ZC3H12B: variants seen among roughly 807,000 people sequenced by gnomAD.
The protein encoded by ZC3H12B is probable ribonuclease ZC3H12B.
ZC3H12B carries 7 observed loss-of-function variants against 43.9 expected under a neutral mutation model. The observed-to-expected ratio is 0.16, with a 90% confidence interval of 0.09 to 0.30. The LOEUF is 0.30. Ranked by LOEUF, ZC3H12B falls within the 10% of genes least tolerant of loss-of-function variation. The pLI is 1.00. For synonymous variants in ZC3H12B, 222 were observed against 241.7 expected, an observed-to-expected ratio of 0.92 and a Z score of 0.76; for missense variants, 475 against 670.2, an observed-to-expected ratio of 0.71 and a Z score of 3.22.
chrX:65,407,955 G>A (rs958854285), intron 3 of ZC3H12B: 46 of 814,942 alleles, frequency 5.6e-5, no homozygotes, highest in African/African-American at 8.2e-5. Context: ...GCGCGCCTGC[G>A]TGCGTGGCCA....
the ZC3H12B span, among the ~76,000 whole-genome samples, chrX:65,119,008 C>A: frequency 1.8e-5 from 2 of 110,812 alleles, no homozygotes; most frequent in Non-Finnish European, 3.8e-5. Flanking sequence ...CATAGTATTC[C>A]ATGGTGTATA....
At chrX:65,188,784 T>C in the ZC3H12B span, among the ~76,000 whole-genome samples, 1 of 91,698 alleles carries the variant, frequency 1.1e-5, no homozygotes, top group Non-Finnish European at 2.2e-5. Context: ...ATTTTTATAT[T>C]AGTTCTAAAG....
chrX:65,042,053 G>GA, the ZC3H12B span, among the ~76,000 whole-genome samples: 32 of 111,772 alleles, frequency 2.9e-4, no homozygotes, highest in African/African-American at 9.4e-4. Context: ...TTTAAGAAGG[G>GA]AAAAAAAGCT....
intron 3 of ZC3H12B, among the ~76,000 whole-genome samples, chrX:65,426,857 C>A (rs1233406717): frequency 9.0e-6 from 1 of 111,708 alleles, no homozygotes; most frequent in Non-Finnish European, 1.9e-5. Flanking sequence ...AGTTATTTTG[C>A]ATTTGCTAAG....
the ZC3H12B span, among the ~76,000 whole-genome samples, chrX:65,257,703 C>T: frequency 9.1e-6 from 1 of 109,684 alleles, no homozygotes; most frequent in African/African-American, 3.3e-5. Context: ...GGATGTTACC[C>T]CACAGAACTA....
the ZC3H12B span, among the ~76,000 whole-genome samples, chrX:65,146,716 T>A: frequency 1.8e-5 from 2 of 111,664 alleles, no homozygotes; most frequent in Non-Finnish European, 3.8e-5. Flanking sequence ...CAAGCTGTAG[T>A]GATTATTATC....
chrX:65,085,416 A>G, the ZC3H12B span, among the ~76,000 whole-genome samples: 11 of 111,406 alleles, frequency 9.9e-5, no homozygotes, highest in African/African-American at 3.6e-4. Flanking sequence ...AAAATTAAAA[A>G]TAAAAAAAAA....
chrX:65,202,103 T>C, the ZC3H12B span, among the ~76,000 whole-genome samples: 1,912 of 75,027 alleles, frequency 0.025, 196 homozygotes, highest in African/African-American at 0.11. Flanking sequence ...ATATATATTT[T>C]ATATAATATA....
intron 3 of ZC3H12B, among the ~76,000 whole-genome samples, chrX:65,457,581 G>A (rs1204840787): frequency 2.4e-5 from 2 of 82,288 alleles, no homozygotes; most frequent in South Asian, 4.6e-4. Flanking sequence ...GCGGCTCACT[G>A]GGGATGGGCC....
At chrX:65,368,534 C>G (rs1470198997) in intron 1 of ZC3H12B, among the ~76,000 whole-genome samples, 2 of 111,552 alleles carry the variant, frequency 1.8e-5, no homozygotes, top group Admixed American at 1.9e-4. Flanking sequence ...CAAAATTATA[C>G]ATGTAACTCA....
At chrX:65,378,589 G>T (rs183679243) in intron 2 of ZC3H12B, among the ~76,000 whole-genome samples, 1 of 112,204 alleles carries the variant, frequency 8.9e-6, no homozygotes, top group East Asian at 2.8e-4. Context: ...TCACAAAATG[G>T]CAGGAGTGGG....
chrX:65,302,396 A>G, the ZC3H12B span, among the ~76,000 whole-genome samples: 6 of 111,719 alleles, frequency 5.4e-5, no homozygotes, highest in Admixed American at 5.7e-4. Flanking sequence ...TGAAACTAAA[A>G]ACACAATTCC....
the ZC3H12B span, among the ~76,000 whole-genome samples, chrX:65,076,720 A>AT: frequency 1.1e-4 from 12 of 107,445 alleles, no homozygotes; most frequent in East Asian, 3.6e-3. Flanking sequence ...TGGCTGTTGT[A>AT]TTTTTTTAAT....
At chrX:65,236,638 A>G in the ZC3H12B span, among the ~76,000 whole-genome samples, 1 of 111,745 alleles carries the variant, frequency 8.9e-6, no homozygotes. Context: ...TATTTCCTGA[A>G]TGGTATTTCC....
At chrX:65,264,430 T>G in the ZC3H12B span, among the ~76,000 whole-genome samples, 3 of 112,392 alleles carry the variant, frequency 2.7e-5, no homozygotes, top group African/African-American at 9.7e-5. Flanking sequence ...GCTTTAAATT[T>G]TTACAAAACA....
At chrX:65,470,097 G>T in intron 3 of ZC3H12B, 1 of 118,473 alleles carries the variant, frequency 8.4e-6, no homozygotes, top group Non-Finnish European at 1.8e-5. Flanking sequence ...GAAGACCAGC[G>T]TGTGCAGCGC....
chrX:65,243,540 C>T, the ZC3H12B span, among the ~76,000 whole-genome samples: 2 of 111,485 alleles, frequency 1.8e-5, no homozygotes, highest in South Asian at 3.7e-4. Context: ...ATTAGTATAG[C>T]CACTGTGGAA....
chrX:65,397,272 G>T (rs2066711320), intron 2 of ZC3H12B, among the ~76,000 whole-genome samples: 1 of 111,647 alleles, frequency 9.0e-6, no homozygotes, highest in Non-Finnish European at 1.9e-5. Flanking sequence ...CACATTAGTT[G>T]ATTCAGTTTC....
At chrX:65,046,299 T>C in the ZC3H12B span, among the ~76,000 whole-genome samples, 93 of 112,159 alleles carry the variant, frequency 8.3e-4, no homozygotes, top group South Asian at 0.011. Flanking sequence ...ACATTGTAAG[T>C]CTGTTGTTTA....
Sources: allele counts gnomAD v4.1 joint callset (sites outside exome capture counted in the v4.1 genomes callset), GRCh38; gene constraint gnomAD v4.1.1; transcripts MANE v1.5; gene names NCBI Gene and HGNC (gene_info 2026-07-23, HGNC 2026-07-21).